ADGRL3: variants seen among roughly 807,000 people sequenced by gnomAD.
The protein encoded by ADGRL3 is adhesion G protein-coupled receptor L3.
In ADGRL3, 62 loss-of-function variants were observed where a neutral mutation model predicts 153.5. The ratio of observed to expected loss-of-function variants is 0.40; its 90% CI spans 0.33 to 0.50. The LOEUF is 0.50. ADGRL3 is among the 20% of genes least tolerant of loss of function. ADGRL3 has a pLI of 0.47. For synonymous variants in ADGRL3, 710 were observed against 672.5 expected (o/e 1.06, Z -0.86); for missense variants, 1,641 against 1,859.4 (o/e 0.88, Z 2.16).
intron 4 of ADGRL3, among the ~76,000 whole-genome samples, chr4:61,548,398 G>A (rs2098724154): frequency 6.6e-6 from 1 of 152,002 alleles, no homozygotes; most frequent in Non-Finnish European, 1.5e-5. Flanking sequence ...ATCTTCAAGA[G>A]TTTTTATAGT....
chr4:61,651,809 G>A (rs2094267657), intron 5 of ADGRL3, among the ~76,000 whole-genome samples: 1 of 150,240 alleles, frequency 6.7e-6, no homozygotes, highest in Non-Finnish European at 1.5e-5. Flanking sequence ...GTAGAGACGG[G>A]GTTTCACCAT....
chr4:61,377,021 G>GT (rs570917184), intron 1 of ADGRL3, among the ~76,000 whole-genome samples: 3 of 152,106 alleles, frequency 2.0e-5, no homozygotes, highest in Non-Finnish European at 4.4e-5. Flanking sequence ...GGCAAGAACT[G>GT]TATCTGTATC....
intron 1 of ADGRL3, among the ~76,000 whole-genome samples, chr4:61,243,000 A>G (rs907764429): frequency 2.6e-5 from 4 of 152,230 alleles, no homozygotes; most frequent in Admixed American, 1.3e-4. Flanking sequence ...GGCAAGTGCC[A>G]TAAGCAGTCT....
At chr4:62,007,383 T>TATATATATATATATACACACAC (rs71213024) in intron 21 of ADGRL3, among the ~76,000 whole-genome samples, 1 of 30,782 alleles carries the variant, frequency 3.2e-5, no homozygotes, top group African/African-American at 1.3e-4. Context: ...TATATATATA[T>TATATATATATATATACACACAC]ACACACACAC....
chr4:61,270,042 T>TA (rs951776834), intron 1 of ADGRL3, among the ~76,000 whole-genome samples: 1 of 151,674 alleles, frequency 6.6e-6, no homozygotes, highest in African/African-American at 2.4e-5. Context: ...TTACTATATA[T>TA]AAAAAACAAT....
At chr4:61,827,910 AT>A (rs887207842) in intron 9 of ADGRL3, among the ~76,000 whole-genome samples, 8 of 149,008 alleles carry the variant, frequency 5.4e-5, no homozygotes, top group African/African-American at 2.0e-4. Flanking sequence ...ATGAAAAAAA[AT>A]AATTTTAGGA....
At chr4:61,667,944 G>T (rs2094857121) in intron 5 of ADGRL3, among the ~76,000 whole-genome samples, 3 of 152,138 alleles carry the variant, frequency 2.0e-5, no homozygotes, top group South Asian at 2.1e-4. Flanking sequence ...CACCCCAAGA[G>T]ACACTGTTTT....
At chr4:62,051,166 G>A (rs970006711) in intron 25 of ADGRL3, among the ~76,000 whole-genome samples, 22 of 52,180 alleles carry the variant, frequency 4.2e-4, no homozygotes, top group African/African-American at 1.4e-3. Flanking sequence ...GTGTGTGTGT[G>A]TGTATATATA....
chr4:61,967,106 T>A (rs552601847), intron 17 of ADGRL3, among the ~76,000 whole-genome samples: 1 of 152,294 alleles, frequency 6.6e-6, no homozygotes, highest in South Asian at 2.1e-4. Context: ...AGTACTTTAA[T>A]GCTAGTTAAT....
At chr4:61,602,656 T>C (rs1287487854) in intron 5 of ADGRL3, among the ~76,000 whole-genome samples, 1 of 152,034 alleles carries the variant, frequency 6.6e-6, no homozygotes, top group East Asian at 1.9e-4. Context: ...AGAACAGAGC[T>C]CACCAAAGGT....
chr4:61,495,528 A>G (rs1202752791), intron 2 of ADGRL3, among the ~76,000 whole-genome samples: 2 of 151,242 alleles, frequency 1.3e-5, no homozygotes, highest in Non-Finnish European at 3.0e-5. Flanking sequence ...AGGGAAGAGA[A>G]TGGAAGGAAG....
rs139169772 is a variant in ADGRL3 at position 61,322,554 on chromosome 4, T to C, written c.-239-60570T>C. On this transcript the variant is annotated intron_variant, in intron 1 of 26. Transcript: ENST00000683033. ...AATGGGAATACAGGCATTGGATAAA[T>C]ACACCCATTCCAAATGGAGAAATTC... Among the ~76,000 whole-genome samples the C allele has an allele frequency of 6.2e-3, 945 of 152,238 alleles. 4 individuals are homozygous for C. The highest frequency in any genetic ancestry group is 0.026 in the South Asian group (127 of 4,826).
intron 5 of ADGRL3, among the ~76,000 whole-genome samples, chr4:61,670,119 C>A (rs1378262624): frequency 6.6e-6 from 1 of 152,056 alleles, no homozygotes; most frequent in Admixed American, 6.6e-5. Context: ...CATGGTGAAA[C>A]CCCATCTGTA....
At chr4:61,789,160 A>G (rs754044702) in intron 8 of ADGRL3, among the ~76,000 whole-genome samples, 1 of 152,196 alleles carries the variant, frequency 6.6e-6, no homozygotes, top group Non-Finnish European at 1.5e-5. Flanking sequence ...AAAGATAACT[A>G]TACCTCGATT....
chr4:61,211,665 C>T (rs1740067910), intron 1 of ADGRL3: 1 of 152,156 alleles, frequency 6.6e-6, no homozygotes, highest in African/African-American at 2.4e-5. Flanking sequence ...GTTCCTTACT[C>T]ACTTCACCAA....
rs113995831 is a variant in ADGRL3, at chr4:61,785,478, G to A, written c.1400-28331G>A. Among the ~76,000 whole-genome samples the A allele has an allele frequency of 5.2e-3, 793 of 152,190 alleles. 10 individuals carry two copies. The highest frequency in any genetic ancestry group is 0.018 in the African/African-American group (749 of 41,530). ...ATATTGTTACCTACCTTCTAACATG[G>A]AAACAAAATGTAATCTGTTAATGAT... On this transcript the variant is annotated intron_variant, in intron 8 of 26. Transcript: ENST00000683033.
intron 2 of ADGRL3, among the ~76,000 whole-genome samples, chr4:61,437,543 A>T (rs1578855473): frequency 6.6e-6 from 1 of 152,220 alleles, no homozygotes; most frequent in East Asian, 1.9e-4. Context: ...CTGCTATTTG[A>T]GTTTACATGA....
intron 1 of ADGRL3, among the ~76,000 whole-genome samples, chr4:61,345,804 G>A (rs757653595): frequency 5.3e-5 from 8 of 152,142 alleles, no homozygotes; most frequent in Non-Finnish European, 1.0e-4. Context: ...TTATTTAGTA[G>A]CAAAATATTT....
chr4:61,207,190 C>T (rs1737688126), intron 1 of ADGRL3, among the ~76,000 whole-genome samples: 1 of 151,990 alleles, frequency 6.6e-6, no homozygotes, highest in South Asian at 2.1e-4. Context: ...CTAATGCTAT[C>T]CCTCCCCTAG....
Sources: gnomAD v4.1 joint callset for allele counts (sites outside exome capture counted in the v4.1 genomes callset) on GRCh38, gnomAD v4.1.1 for gene constraint, MANE v1.5 for transcripts, NCBI Gene and HGNC (gene_info 2026-07-23, HGNC 2026-07-21) for gene names.